AUTS2: variants seen among roughly 807,000 people sequenced by gnomAD.
AUTS2 encodes the protein activator of transcription and developmental regulator AUTS2, also known as autism susceptibility gene 2 protein.
AUTS2 carries 17 observed loss-of-function variants against 112.4 expected under a neutral mutation model. The observed-to-expected ratio is 0.15, with a 90% CI of 0.10 to 0.23. AUTS2 has a LOEUF of 0.23. Ranked by LOEUF, AUTS2 falls within the 10% of genes least tolerant of loss-of-function variation. AUTS2 has a pLI of 1.00. For synonymous variants in AUTS2, 751 were observed against 702.7 expected (o/e 1.07, Z -1.09); for missense variants, 1,510 against 1,701.6 (o/e 0.89, Z 1.98).
intron 4 of AUTS2, among the ~76,000 whole-genome samples, chr7:70,258,659 G>A (rs553854051): frequency 1.1e-4 from 16 of 152,216 alleles, no homozygotes; most frequent in African/African-American, 2.9e-4. Context: ...ACCTTAAGTC[G>A]TATGAGGCTG....
At chr7:69,636,310 C>T (rs145744374) in intron 1 of AUTS2, among the ~76,000 whole-genome samples, 4 of 151,732 alleles carry the variant, frequency 2.6e-5, no homozygotes, top group African/African-American at 7.3e-5. Flanking sequence ...GGCTTACTGC[C>T]GCCTCCACCT....
At chr7:70,466,494 C>T (rs142052249) in intron 5 of AUTS2, among the ~76,000 whole-genome samples, 10 of 152,162 alleles carry the variant, frequency 6.6e-5, no homozygotes, top group East Asian at 1.9e-4. Context: ...TTTTGGGATG[C>T]GGCAACAAAC....
chr7:70,711,386 C>T (rs1443183399), intron 6 of AUTS2, among the ~76,000 whole-genome samples: 1 of 152,202 alleles, frequency 6.6e-6, no homozygotes, highest in Non-Finnish European at 1.5e-5. Flanking sequence ...GCACATCATC[C>T]TAGCACCTAA....
intron 2 of AUTS2, among the ~76,000 whole-genome samples, chr7:70,080,564 C>T (rs1168144791): frequency 6.6e-6 from 1 of 152,216 alleles, no homozygotes; most frequent in African/African-American, 2.4e-5. Context: ...GCTTGCTATA[C>T]ATGATTTATA....
chr7:70,003,194 A>C (rs1032666331), intron 2 of AUTS2, among the ~76,000 whole-genome samples: 3 of 134,846 alleles, frequency 2.2e-5, no homozygotes, highest in Non-Finnish European at 3.1e-5. Flanking sequence ...ATTATATATG[A>C]ATATATTATA....
At chr7:70,684,658 C>G in intron 5 of AUTS2, among the ~76,000 whole-genome samples, 1 of 147,754 alleles carries the variant, frequency 6.8e-6, no homozygotes, top group South Asian at 2.2e-4. Context: ...TGTGGCGTGG[C>G]GTGTGGTGTG....
At chr7:70,594,684 T>TG (rs1205769178) in intron 5 of AUTS2, among the ~76,000 whole-genome samples, 1 of 152,148 alleles carries the variant, frequency 6.6e-6, no homozygotes, top group Non-Finnish European at 1.5e-5. Context: ...TCCATTTGTA[T>TG]GGGCGGAGGT....
intron 1 of AUTS2, among the ~76,000 whole-genome samples, chr7:69,874,226 CA>C (rs11440208): frequency 2.0e-5 from 3 of 149,532 alleles, no homozygotes; most frequent in South Asian, 2.1e-4. Flanking sequence ...GACCGTGTGT[CA>C]AAAAAAAAGA....
At chr7:70,031,568 G>A (rs559837207) in intron 2 of AUTS2, among the ~76,000 whole-genome samples, 1 of 152,258 alleles carries the variant, frequency 6.6e-6, no homozygotes, top group East Asian at 1.9e-4. Flanking sequence ...AGTTCATCTG[G>A]CATAGCTCAG....
chr7:69,623,343 C>T (rs1035422779), intron 1 of AUTS2, among the ~76,000 whole-genome samples: 1 of 151,238 alleles, frequency 6.6e-6, no homozygotes, highest in Non-Finnish European at 1.5e-5. Context: ...CTGCCTTAGC[C>T]TCCCAAAAAG....
intron 2 of AUTS2, among the ~76,000 whole-genome samples, chr7:69,908,547 C>T (rs1380147331): frequency 1.3e-5 from 2 of 152,220 alleles, no homozygotes; most frequent in Admixed American, 6.5e-5. Context: ...CCTTATGTCT[C>T]TCAGGAGGCC....
In AUTS2 at chr7:70,027,753, C is replaced by T. The variant is rs1353076697; in HGVS notation, c.523-90379C>T. ...ATTAGTTTAATGAATGAGAAAGACT[C>T]TTCATGTTTGTTCTTTACCTAATCT... is the stretch of plus-strand genomic sequence containing the variant. On this transcript the variant is annotated intron_variant, in intron 2 of 18. Transcript: ENST00000342771. 2.6e-5 allele frequency among the ~76,000 whole-genome samples: 4 copies of T among 152,234 alleles called. No individual in the cohort carries two copies. In the East Asian group the frequency reaches 7.7e-4, roughly 29 times the overall value.
At chr7:69,618,691 TG>T (rs754932576) in intron 1 of AUTS2, among the ~76,000 whole-genome samples, 3 of 152,232 alleles carry the variant, frequency 2.0e-5, no homozygotes, top group Admixed American at 6.5e-5. Flanking sequence ...TGTGTATATA[TG>T]ACTATGAAAT....
chr7:70,055,928 C>G (rs1353085234), intron 2 of AUTS2, among the ~76,000 whole-genome samples: 1 of 152,102 alleles, frequency 6.6e-6, no homozygotes, highest in Non-Finnish European at 1.5e-5. Flanking sequence ...TCGTGATCCA[C>G]CCACCTCAGC....
At chr7:70,253,935 T>G (rs551786216) in intron 4 of AUTS2, among the ~76,000 whole-genome samples, 1 of 152,268 alleles carries the variant, frequency 6.6e-6, no homozygotes, top group Non-Finnish European at 1.5e-5. Flanking sequence ...TGCTATGCTC[T>G]TGATCCCTGG....
At chr7:69,824,381 C>G (rs1293278686) in intron 1 of AUTS2, among the ~76,000 whole-genome samples, 1 of 151,660 alleles carries the variant, frequency 6.6e-6, no homozygotes, top group Non-Finnish European at 1.5e-5. Context: ...CGCACTCCAG[C>G]CTGGGTGACA....
chr7:70,704,306 T>C (rs777039528), intron 6 of AUTS2, among the ~76,000 whole-genome samples: 2 of 152,158 alleles, frequency 1.3e-5, no homozygotes, highest in Non-Finnish European at 2.9e-5. Flanking sequence ...GCCTTTTGGG[T>C]AGAACTTTTG....
intron 6 of AUTS2, among the ~76,000 whole-genome samples, chr7:70,715,162 A>G (rs1810286878): frequency 6.6e-6 from 1 of 152,194 alleles, no homozygotes; most frequent in Admixed American, 6.5e-5. Context: ...TCTCCTTCTA[A>G]TTGCATGTTT....
chr7:70,636,694 TGGA>T, intron 5 of AUTS2, among the ~76,000 whole-genome samples: 1 of 151,428 alleles, frequency 6.6e-6, no homozygotes, highest in South Asian at 2.1e-4. Context: ...TCTCCCAGGC[TGGA>T]GTGCAGTTGT....
Sources: gnomAD v4.1 joint callset for allele counts (sites outside exome capture counted in the v4.1 genomes callset) on GRCh38, gnomAD v4.1.1 for gene constraint, MANE v1.5 for transcripts, NCBI Gene and HGNC (gene_info 2026-07-23, HGNC 2026-07-21) for gene names.